UBR3: variants seen among roughly 807,000 people sequenced by gnomAD.
UBR3 encodes the protein ubiquitin protein ligase E3 component n-recognin 3, also known as E3 ubiquitin-protein ligase UBR3.
A neutral mutation model predicts 243.2 loss-of-function variants in UBR3; 85 were observed. The ratio of observed to expected loss-of-function variants is 0.35; its 90% CI spans 0.29 to 0.42. UBR3 has a LOEUF of 0.42. Among genes scored for constraint, UBR3 ranks in the 10% least tolerant of loss-of-function variants. UBR3 has a pLI of 1.00. For missense variants in UBR3, 1,686 were observed against 2,300.8 expected (o/e 0.73, Z 5.47); for synonymous variants, 748 against 799.8 (o/e 0.94, Z 1.09).
At chr2:170,043,343 T>G (rs898667474) in intron 32 of UBR3, among the ~76,000 whole-genome samples, 1 of 152,186 alleles carries the variant, frequency 6.6e-6, no homozygotes, top group African/African-American at 2.4e-5. Context: ...AAGTTACTGT[T>G]GGCACTGGCT....
Position 169,874,739 on chromosome 2 carries a change from A to G in UBR3, c.686-1052A>G, listed in dbSNP as rs114550040. 8.7e-3 allele frequency among the ~76,000 whole-genome samples: 1,331 copies of G among 152,322 alleles called. 10 individuals carry two copies. The highest frequency in any genetic ancestry group is 0.013 in the Admixed American group (198 of 15,298). On this transcript the variant is annotated intron_variant, in intron 2 of 38. Coordinates refer to ENST00000272793, the MANE Select transcript of UBR3 (RefSeq NM_172070.4). ...AATATAAAGTTGAATAATATATAAC[A>G]TTAGCTTTACACTGAGAAAGTAGGT...
At chr2:169,921,371 T>C (rs920797535) in intron 11 of UBR3, among the ~76,000 whole-genome samples, 11 of 152,148 alleles carry the variant, frequency 7.2e-5, no homozygotes, top group African/African-American at 1.9e-4. Flanking sequence ...TAGAAGACTA[T>C]AGAGTGAAGA....
intron 1 of UBR3, among the ~76,000 whole-genome samples, chr2:169,830,289 A>C (rs972087234): frequency 6.6e-6 from 1 of 152,128 alleles, no homozygotes; most frequent in Admixed American, 6.6e-5. Flanking sequence ...GTGATTTCCA[A>C]ATTGCCCTCC....
intron 24 of UBR3, among the ~76,000 whole-genome samples, chr2:169,971,443 G>T (rs1439546886): frequency 6.7e-6 from 1 of 149,772 alleles, no homozygotes; most frequent in Admixed American, 6.7e-5. Flanking sequence ...TTCTTCTAGG[G>T]TTTTTATGGT....
chr2:169,860,667 C>T (rs564684243), intron 1 of UBR3, among the ~76,000 whole-genome samples: 2 of 152,102 alleles, frequency 1.3e-5, no homozygotes, highest in East Asian at 1.9e-4. Flanking sequence ...TTGGTATTTC[C>T]GTTTCTCATT....
intron 24 of UBR3, among the ~76,000 whole-genome samples, chr2:169,965,989 A>G (rs1480662255): frequency 6.6e-6 from 1 of 152,194 alleles, no homozygotes; most frequent in East Asian, 1.9e-4. Flanking sequence ...AATCAAATAT[A>G]GTACATTATT....
intron 1 of UBR3, among the ~76,000 whole-genome samples, chr2:169,870,247 T>C (rs1282763469): frequency 6.6e-6 from 1 of 152,226 alleles, no homozygotes; most frequent in East Asian, 1.9e-4. Context: ...ATGTCACATT[T>C]ATCACAAATT....
At chr2:169,994,863 A>T (rs992930691) in intron 26 of UBR3, among the ~76,000 whole-genome samples, 1 of 151,986 alleles carries the variant, frequency 6.6e-6, no homozygotes, top group East Asian at 1.9e-4. Flanking sequence ...AGTTCTTCCT[A>T]CTTCTCAAAG....
intron 19 of UBR3, among the ~76,000 whole-genome samples, chr2:169,934,888 T>C (rs1406625411): frequency 6.6e-6 from 1 of 152,196 alleles, no homozygotes; most frequent in African/African-American, 2.4e-5. Context: ...CTTTAAGATC[T>C]AGTCCAGGTT....
At chr2:169,843,339 G>A (rs2082361709) in intron 1 of UBR3, among the ~76,000 whole-genome samples, 2 of 152,160 alleles carry the variant, frequency 1.3e-5, no homozygotes, top group African/African-American at 4.8e-5. Context: ...TGGTGGAAGG[G>A]GTGAAAAGAG....
chr2:169,977,955 G>A (rs1422713419), intron 24 of UBR3, among the ~76,000 whole-genome samples: 2 of 152,160 alleles, frequency 1.3e-5, no homozygotes, highest in Non-Finnish European at 2.9e-5. Context: ...ATTGGCTTTT[G>A]TAGAGAATGA....
chr2:169,901,527 A>G (rs2084822453), intron 8 of UBR3, among the ~76,000 whole-genome samples: 1 of 152,186 alleles, frequency 6.6e-6, no homozygotes. Flanking sequence ...ACCCATAACT[A>G]GCCACGGATA....
At chr2:169,894,094 ATTAC>A (rs780270105) in intron 6 of UBR3, among the ~76,000 whole-genome samples, 1 of 152,014 alleles carries the variant, frequency 6.6e-6, no homozygotes, top group Non-Finnish European at 1.5e-5. Flanking sequence ...TTTGAAAATA[ATTAC>A]TTAATTGCTA....
In UBR3 at chr2:169,880,902, G is replaced by T. The variant is rs190379147; in HGVS notation, c.1038+2328G>T. Among the ~76,000 whole-genome samples, 285 of 152,118 alleles carry T rather than the reference G, an allele frequency of 1.9e-3. 1 individual carries two copies. The highest frequency in any genetic ancestry group is 3.3e-3 in the Non-Finnish European group (222 of 67,990). Reference sequence around the variant, plus strand: ...CTACATTAGTTGGCTAAGGATTATGGCCTCCTGCTCCATCCATGTTCATTT... The same window carrying T: ...CTACATTAGTTGGCTAAGGATTATGTCCTCCTGCTCCATCCATGTTCATTT... On this transcript the variant is annotated intron_variant, in intron 5 of 38. Transcript: ENST00000272793.
intron 23 of UBR3, among the ~76,000 whole-genome samples, chr2:169,950,721 T>C (rs531376125): frequency 1.3e-5 from 2 of 152,160 alleles, no homozygotes; most frequent in African/African-American, 2.4e-5. Context: ...TTTTTAGTGG[T>C]ACATTGTTTG....
intron 3 of UBR3, 32 bp from the exon 4 acceptor site, chr2:169,877,461 AT>A: frequency 2.0e-6 from 3 of 1,509,424 alleles, no homozygotes; most frequent in Non-Finnish European, 1.8e-6. Context: ...TGAATGGAAT[AT>A]TTTTTTCTGA....
At chr2:170,035,912 G>C (rs905818852) in intron 31 of UBR3, among the ~76,000 whole-genome samples, 3 of 137,046 alleles carry the variant, frequency 2.2e-5, no homozygotes, top group Non-Finnish European at 4.7e-5. Context: ...TATTTTATTG[G>C]GGGGGGGGTT....
chr2:170,061,226 A>G (rs760976122), intron 34 of UBR3, 40 bp downstream of exon 34: 10 of 1,580,224 alleles, frequency 6.3e-6, no homozygotes, highest in African/African-American at 4.1e-5. Flanking sequence ...GTTATTTAGT[A>G]AAAAATTTAC....
At chr2:169,829,630 G>A (rs963931975) in intron 1 of UBR3, among the ~76,000 whole-genome samples, 1 of 151,940 alleles carries the variant, frequency 6.6e-6, no homozygotes, top group African/African-American at 2.4e-5. Context: ...TCTCCATGTC[G>A]GTCAGGCTAG....
Sources: allele counts gnomAD v4.1 joint callset (sites outside exome capture counted in the v4.1 genomes callset), GRCh38; gene constraint gnomAD v4.1.1; transcripts MANE v1.5; gene names NCBI Gene and HGNC (gene_info 2026-07-23, HGNC 2026-07-21).